DSCAML1: variants seen among roughly 807,000 people sequenced by gnomAD.
DSCAML1 encodes the protein cell adhesion molecule DSCAML1.
A neutral mutation model predicts 200.5 loss-of-function variants in DSCAML1; 38 were observed. The ratio of observed to expected loss-of-function variants is 0.19; its 90% CI spans 0.15 to 0.25. DSCAML1 has a LOEUF of 0.25. DSCAML1 is among the 10% of genes least tolerant of loss of function. The pLI, the probability that DSCAML1 is intolerant of heterozygous loss-of-function variation, is 1.00. For synonymous variants in DSCAML1, 1,215 were observed against 1,165.0 expected (o/e 1.04, Z -0.87); for missense variants, 2,223 against 2,858.8 (o/e 0.78, Z 5.07).
At chr11:117,500,144 C>T (rs2049368622) in intron 11 of DSCAML1, among the ~76,000 whole-genome samples, 5 of 152,322 alleles carry the variant, frequency 3.3e-5, no homozygotes, top group Admixed American at 3.3e-4. Flanking sequence ...TCCCTGCTGG[C>T]CCTTGTCCAA....
chr11:117,433,542 A>C (rs1422238135), intron 27 of DSCAML1, 71 bp from the exon 28 acceptor site: 2 of 1,541,536 alleles, frequency 1.3e-6, no homozygotes, highest in South Asian at 2.4e-5. Flanking sequence ...TGGGAGAGGC[A>C]TGGGAAACAA....
chr11:117,609,184 G>A (rs1184827027), intron 3 of DSCAML1, among the ~76,000 whole-genome samples: 5 of 150,764 alleles, frequency 3.3e-5, no homozygotes, highest in African/African-American at 7.3e-5. Context: ...GGGCGACAGA[G>A]CCAGACCCTA....
At chr11:117,627,818 A>G (rs2052085862) in intron 3 of DSCAML1, among the ~76,000 whole-genome samples, 1 of 152,040 alleles carries the variant, frequency 6.6e-6, no homozygotes, top group Non-Finnish European at 1.5e-5. Context: ...CCCGCTGCCC[A>G]CATGCCTCTA....
At chr11:117,464,211 T>C (rs1170776052) in intron 17 of DSCAML1, among the ~76,000 whole-genome samples, 1 of 152,176 alleles carries the variant, frequency 6.6e-6, no homozygotes, top group African/African-American at 2.4e-5. Context: ...GAAGGAAGCT[T>C]GGAAGAATGC....
chr11:117,455,104 T>G (rs569855225), intron 19 of DSCAML1, among the ~76,000 whole-genome samples: 1 of 152,334 alleles, frequency 6.6e-6, no homozygotes, highest in Non-Finnish European at 1.5e-5. Flanking sequence ...TTCACTCTCC[T>G]GCTAGCTTTA....
At chr11:117,730,419 G>A (rs949645603) in intron 3 of DSCAML1, among the ~76,000 whole-genome samples, 7 of 152,154 alleles carry the variant, frequency 4.6e-5, no homozygotes, top group Non-Finnish European at 8.8e-5. Flanking sequence ...TTTTAGTCCC[G>A]TGAGACTCAT....
intron 3 of DSCAML1, among the ~76,000 whole-genome samples, chr11:117,647,212 G>A (rs955348312): frequency 2.6e-5 from 4 of 152,226 alleles, no homozygotes; most frequent in Admixed American, 6.5e-5. Flanking sequence ...CATAGACATG[G>A]GAAAGAAGGT....
chr11:117,649,856 G>A (rs1001087081), intron 3 of DSCAML1, among the ~76,000 whole-genome samples: 1 of 152,214 alleles, frequency 6.6e-6, no homozygotes, highest in Middle Eastern at 3.4e-3. Flanking sequence ...CCGTGCCTCC[G>A]CCCCAGCCTG....
intron 3 of DSCAML1, among the ~76,000 whole-genome samples, chr11:117,566,631 GGTTA>G (rs1378930529): frequency 1.3e-5 from 2 of 151,412 alleles, no homozygotes; most frequent in African/African-American, 4.9e-5. Context: ...ACCATGTGCA[GGTTA>G]GTTACATATG....
intron 3 of DSCAML1, among the ~76,000 whole-genome samples, chr11:117,646,364 G>C (rs998647452): frequency 1.3e-5 from 2 of 152,058 alleles, no homozygotes; most frequent in African/African-American, 4.8e-5. Flanking sequence ...GTTTGATGAG[G>C]CCAGAAGTGC....
intron 3 of DSCAML1, among the ~76,000 whole-genome samples, chr11:117,769,215 ATATATATTG>A (rs1370246933): frequency 0.66 from 57,930 of 88,370 alleles, 21,193 homozygotes; most frequent in South Asian, 0.84. Context: ...TATATATTTT[ATATATATTG>A]TATATATTAT....
chr11:117,428,837 G>A, intron 32 of DSCAML1, 34 bp from the exon 33 acceptor site: 1 of 1,539,116 alleles, frequency 6.5e-7, no homozygotes, highest in Non-Finnish European at 8.8e-7. Flanking sequence ...GTTACAGAGA[G>A]TCATAGCCCT....
intron 3 of DSCAML1, among the ~76,000 whole-genome samples, chr11:117,677,991 G>A (rs1432327424): frequency 6.6e-6 from 1 of 152,228 alleles, no homozygotes. Flanking sequence ...CTAGAACAGA[G>A]CTAAGGGGGA....
chr11:117,607,865 A>G (rs1237964762), intron 3 of DSCAML1, among the ~76,000 whole-genome samples: 1 of 152,232 alleles, frequency 6.6e-6, no homozygotes, highest in African/African-American at 2.4e-5. Flanking sequence ...CGTCCTTGTC[A>G]ATAGGGAAAA....
At chr11:117,579,883 T>C (rs1046951471) in intron 3 of DSCAML1, among the ~76,000 whole-genome samples, 2 of 152,228 alleles carry the variant, frequency 1.3e-5, no homozygotes, top group Non-Finnish European at 2.9e-5. Flanking sequence ...TTAATTTTGT[T>C]ATCCCATGTA....
intron 3 of DSCAML1, among the ~76,000 whole-genome samples, chr11:117,605,189 C>T (rs767500389): frequency 5.3e-5 from 8 of 152,058 alleles, no homozygotes; most frequent in East Asian, 3.9e-4. Flanking sequence ...CCACCATGCC[C>T]GGCTGCTCCC....
intron 21 of DSCAML1, among the ~76,000 whole-genome samples, chr11:117,442,729 G>T (rs1334838714): frequency 6.6e-6 from 1 of 152,184 alleles, no homozygotes; most frequent in African/African-American, 2.4e-5. Context: ...GTTCTGGAAG[G>T]GTGATAGGCT....
At chr11:117,626,423 A>G (rs1379999063) in intron 3 of DSCAML1, among the ~76,000 whole-genome samples, 2 of 151,992 alleles carry the variant, frequency 1.3e-5, no homozygotes, top group Non-Finnish European at 2.9e-5. Context: ...GGGGTGCTCC[A>G]CTCCTCTTAA....
At chr11:117,788,985 C>T (rs921373744) in intron 1 of DSCAML1, among the ~76,000 whole-genome samples, 1 of 152,146 alleles carries the variant, frequency 6.6e-6, no homozygotes, top group African/African-American at 2.4e-5. Flanking sequence ...ATTAGACATT[C>T]CATCCCTCCC....
Sources: gnomAD v4.1 joint callset for allele counts (sites outside exome capture counted in the v4.1 genomes callset) on GRCh38, gnomAD v4.1.1 for gene constraint, MANE v1.5 for transcripts, NCBI Gene and HGNC (gene_info 2026-07-23, HGNC 2026-07-21) for gene names.